Variants in CCDC81 observed in about 807,000 individuals in gnomAD.
CCDC81 encodes the protein coiled-coil domain-containing protein 81.
In CCDC81, 79 loss-of-function variants were observed where a neutral mutation model predicts 83.7. The ratio of observed to expected loss-of-function variants is 0.94; its 90% CI spans 0.79 to 1.14. The LOEUF is 1.14. Among genes scored for constraint, CCDC81 ranks in the 50% most tolerant of loss-of-function variants. The pLI, the probability that CCDC81 is intolerant of heterozygous loss-of-function variation, is 0.00. For synonymous variants in CCDC81, 252 were observed against 278.1 expected (o/e 0.91, Z 0.93); for missense variants, 791 against 778.1 (o/e 1.02, Z -0.20).
Position 86,409,277 on chromosome 11 carries a change from C to G in CCDC81, c.1130C>G (p.Thr377Ser). 1 of 1,476,880 alleles carries G rather than the reference C, an allele frequency of 6.8e-7. No individual in the cohort carries two copies. Among genetic ancestry groups the G allele is most frequent in the Non-Finnish European group, 9.0e-7 (1 of 1,108,150 alleles). The allele number at this position is 1,476,880 out of a possible 1,614,324, so 91.5% of individuals were successfully genotyped here. A position where few individuals can be genotyped will look rare whatever the true frequency, so the allele number is the denominator to read the frequency against. The part of the protein sequence containing the change: ...LFRHQMKSLA[T>S]REQNQKNAAY... ...AAACAATAGATGAAAAGTCTGGCTACTAGAGAACAGAATCAGAAAAATGCT... is the reference window on the plus strand; with the variant it reads ...AAACAATAGATGAAAAGTCTGGCTAGTAGAGAACAGAATCAGAAAAATGCT... Residue 377 changes from threonine to serine, a missense_variant, in exon 10 of 15, where the codon ACT becomes AGT. By Grantham distance (58) the Thr-to-Ser change is moderately conservative. Coordinates refer to ENST00000445632, the MANE Select transcript of CCDC81 (RefSeq NM_001156474.2).
intron 10 of CCDC81, among the ~76,000 whole-genome samples, chr11:86,410,077 T>G (rs1349344048): frequency 6.6e-6 from 1 of 152,096 alleles, no homozygotes; most frequent in Admixed American, 6.5e-5. Context: ...TGGAATAACA[T>G]CCCCAGGTGA....
intron 5 of CCDC81, among the ~76,000 whole-genome samples, chr11:86,395,639 G>A (rs1016745858): frequency 6.6e-6 from 1 of 152,016 alleles, no homozygotes; most frequent in Non-Finnish European, 1.5e-5. Flanking sequence ...CCCCCTCACC[G>A]CGACGGAGTC....
intron 2 of CCDC81, among the ~76,000 whole-genome samples, chr11:86,386,494 T>C (rs901261886): frequency 1.3e-5 from 2 of 152,194 alleles, no homozygotes; most frequent in Non-Finnish European, 2.9e-5. Context: ...TTGCAGGGAA[T>C]GGATTTTAAC....
chr11:86,403,575 A>G (rs1948522849), intron 7 of CCDC81, among the ~76,000 whole-genome samples: 1 of 152,174 alleles, frequency 6.6e-6, no homozygotes, highest in African/African-American at 2.4e-5. Context: ...AAAGTGTAGC[A>G]CAATTTAGCA....
intron 1 of CCDC81, among the ~76,000 whole-genome samples, chr11:86,378,829 C>T (rs925142341): frequency 1.3e-5 from 2 of 152,116 alleles, no homozygotes; most frequent in African/African-American, 2.4e-5. Context: ...TTTCCTCCAT[C>T]CATCTACTTT....
Position 86,409,278 on chromosome 11 carries a change from T to C in CCDC81, c.1131T>C (p.Thr377=), listed in dbSNP as rs765672372. ...AACAATAGATGAAAAGTCTGGCTAC[T>C]AGAGAACAGAATCAGAAAAATGCTG... is the stretch of plus-strand genomic sequence containing the variant. ...LFRHQMKSLA[T]REQNQKNAAY... is the part of the protein sequence containing the mutation. Residue 377 remains threonine (T), a synonymous_variant, in exon 10 of 15, where the codon ACT becomes ACC. Transcript: ENST00000445632. The C allele has an allele frequency of 1.3e-6, 2 of 1,489,458 alleles. No individual in the cohort carries two copies. The highest frequency in any genetic ancestry group is 2.5e-5 in the East Asian group (1 of 39,606). 92.3% of individuals were successfully genotyped at this position (1,489,458 alleles called of 1,614,324 possible). A position where few individuals can be genotyped will look rare whatever the true frequency, so the allele number is the denominator to read the frequency against.
rs78863477 is a variant in CCDC81, at chr11:86,423,078, G to A, written c.*363G>A. The A allele has an allele frequency of 2.5e-3, 473 of 191,666 alleles. 15 individuals carry two copies. In the East Asian group the frequency reaches 0.052, roughly 21 times the overall value. 11.9% of individuals were successfully genotyped at this position (191,666 alleles called of 1,614,324 possible). On this transcript the variant is annotated 3_prime_UTR_variant, in exon 15 of 15. Coordinates refer to ENST00000445632, the MANE Select transcript of CCDC81 (RefSeq NM_001156474.2). ...AAACTTTTTTCATCTGTAATGAATA[G>A]TGGCAATAATAAATATTTTTTAAGC... is the stretch of plus-strand genomic sequence containing the variant.
At chr11:86,382,214 A>T (rs1255759353) in intron 1 of CCDC81, among the ~76,000 whole-genome samples, 1 of 152,204 alleles carries the variant, frequency 6.6e-6, no homozygotes, top group African/African-American at 2.4e-5. Context: ...TTTGGAAAAG[A>T]TTACTCTGGT....
At chr11:86,399,180 G>C (rs1948449201) in intron 6 of CCDC81, among the ~76,000 whole-genome samples, 1 of 152,174 alleles carries the variant, frequency 6.6e-6, no homozygotes, top group Non-Finnish European at 1.5e-5. Flanking sequence ...GTGAACATTG[G>C]CTTGTGCATG....
intron 7 of CCDC81, among the ~76,000 whole-genome samples, chr11:86,406,641 C>T (rs915469539): frequency 6.6e-6 from 1 of 152,016 alleles, no homozygotes; most frequent in Non-Finnish European, 1.5e-5. Flanking sequence ...CCCGTCTCTA[C>T]TAAAAATACA....
At chr11:86,398,065 C>T (rs1223832434) in intron 6 of CCDC81, among the ~76,000 whole-genome samples, 1 of 152,010 alleles carries the variant, frequency 6.6e-6, no homozygotes, top group African/African-American at 2.4e-5. Flanking sequence ...AAACTCCTGG[C>T]CTGAAGTGAT....
intron 5 of CCDC81, 70 bp downstream of exon 5, chr11:86,395,483 A>C (rs1948394257): frequency 8.4e-7 from 1 of 1,194,920 alleles, no homozygotes; most frequent in African/African-American, 1.5e-5. Flanking sequence ...CTCATTGGGC[A>C]GTGTTTCTCA....
rs1324374510 is a variant in CCDC81, at chr11:86,386,100, A to C, written c.129A>C (p.Leu43Phe). The C allele has an allele frequency of 6.9e-7, 1 of 1,439,584 alleles. No individual in the cohort carries two copies. The highest frequency in any genetic ancestry group is 1.4e-5 in the African/African-American group (1 of 69,636). 89.2% of individuals were successfully genotyped at this position (1,439,584 alleles called of 1,614,324 possible). ...TATCAGAATTTGTGAGACGGCAGTTAACCCTGCACAAGGTAAGATTTATTA... is the reference window on the plus strand; with the variant it reads ...TATCAGAATTTGTGAGACGGCAGTTCACCCTGCACAAGGTAAGATTTATTA... The part of the protein sequence containing the change: ...GNVSEFVRRQ[L>F]TLHKGVQIPA... The change falls in exon 2 of 15, where the codon TTA (leucine) becomes TTC (phenylalanine). Residue 43 changes from leucine (L) to phenylalanine (F), a missense_variant. Transcript: ENST00000445632.
intron 7 of CCDC81, among the ~76,000 whole-genome samples, chr11:86,401,314 C>G (rs1948483472): frequency 6.6e-6 from 1 of 151,948 alleles, no homozygotes; most frequent in Admixed American, 6.6e-5. Context: ...TTTTATCCTT[C>G]TCTCTGAGTA....
chr11:86,399,169 G>A (rs1212266441), intron 6 of CCDC81, among the ~76,000 whole-genome samples: 1 of 152,144 alleles, frequency 6.6e-6, no homozygotes, highest in Admixed American at 6.5e-5. Flanking sequence ...CATACCAATG[G>A]GTGAACATTG....
chr11:86,387,716 C>A lies in CCDC81; in HGVS notation c.298+44C>A, dbSNP rs148608795. 391 of 1,376,346 alleles carry A rather than the reference C, an allele frequency of 2.8e-4. No homozygotes were observed. The African/African-American group carries it at 5.4e-3, about 19-fold the overall frequency. 85.3% of individuals were successfully genotyped at this position (1,376,346 alleles called of 1,614,324 possible). On this transcript the variant is annotated intron_variant, in intron 3 of 14. Transcript: ENST00000445632. ...TAGGATTTTCCCAGAAGGTTACTGT[C>A]CTGGGGATAAAAAATGAAAGGGCAA...
At chr11:86,403,607 A>G (rs1948523336) in intron 7 of CCDC81, among the ~76,000 whole-genome samples, 1 of 152,240 alleles carries the variant, frequency 6.6e-6, no homozygotes, top group East Asian at 1.9e-4. Context: ...TAGTCTAGGC[A>G]ATCTGTTTCC....
chr11:86,397,101 C>T (rs1948420229), intron 5 of CCDC81, among the ~76,000 whole-genome samples: 1 of 150,822 alleles, frequency 6.6e-6, no homozygotes, highest in South Asian at 2.1e-4. Context: ...ACTACACACA[C>T]CAACTGAACA....
In CCDC81 at chr11:86,408,285, C is replaced by T. The variant is rs564594191; in HGVS notation, c.1113+15C>T. ...TCAGACACCAGGTAGTCCAACACCT[C>T]GATTAGTCTTTAATATGGGGCAATA... On this transcript the variant is annotated intron_variant, in intron 9 of 14. Transcript: ENST00000445632. The T allele has an allele frequency of 4.2e-5, 67 of 1,597,928 alleles. No homozygotes were observed. Among genetic ancestry groups the T allele is most frequent in the Middle Eastern group, 1.7e-4 (1 of 5,978 alleles).
Sources: gnomAD v4.1 joint callset for allele counts (sites outside exome capture counted in the v4.1 genomes callset) on GRCh38, gnomAD v4.1.1 for gene constraint, MANE v1.5 for transcripts, NCBI Gene and HGNC (gene_info 2026-07-23, HGNC 2026-07-21) for gene names.